The following EYS variants were observed in gnomAD, a reference collection of about 807,000 sequenced individuals.
The protein encoded by EYS is protein eyes shut homolog.
EYS carries 250 observed loss-of-function variants against 282.1 expected under a neutral mutation model. The observed-to-expected ratio is 0.89, with a 90% CI of 0.80 to 0.98. The LOEUF (loss-of-function observed/expected upper bound fraction) is 0.98. Ranked by LOEUF, EYS falls within the 50% of genes least tolerant of loss-of-function variation. The pLI, the probability that EYS is intolerant of heterozygous loss-of-function variation, is 0.00. For missense variants in EYS, 4,016 were observed against 3,709.0 expected, an observed-to-expected ratio of 1.08 and a Z score of -2.15; for synonymous variants, 1,355 against 1,282.9, an observed-to-expected ratio of 1.06 and a Z score of -1.20.
chr6:65,142,020 A>T (rs1764358205), intron 12 of EYS, among the ~76,000 whole-genome samples: 1 of 151,936 alleles, frequency 6.6e-6, no homozygotes, highest in Non-Finnish European at 1.5e-5. Context: ...AACATGTGTA[A>T]CTCCAGTACA....
chr6:64,131,761 G>A (rs546885427), intron 31 of EYS, among the ~76,000 whole-genome samples: 15 of 152,238 alleles, frequency 9.9e-5, no homozygotes, highest in African/African-American at 3.1e-4. Context: ...GCATGGATTC[G>A]ATTTTCAGCC....
At chr6:65,021,393 T>G (rs1188024875) in intron 13 of EYS, among the ~76,000 whole-genome samples, 1 of 152,178 alleles carries the variant, frequency 6.6e-6, no homozygotes, top group East Asian at 1.9e-4. Context: ...TTGCTCTAGT[T>G]CCCAACAAGT....
chr6:64,873,052 T>C (rs975897221), intron 19 of EYS, among the ~76,000 whole-genome samples: 1 of 152,080 alleles, frequency 6.6e-6, no homozygotes, highest in Non-Finnish European at 1.5e-5. Flanking sequence ...TAGAGCATTG[T>C]ATTAGACTGT....
At chr6:65,212,201 T>C (rs1219368720) in intron 12 of EYS, among the ~76,000 whole-genome samples, 3 of 152,088 alleles carry the variant, frequency 2.0e-5, no homozygotes, top group Admixed American at 2.0e-4. Flanking sequence ...TTATCAAGTA[T>C]GTGGACAATT....
intron 26 of EYS, among the ~76,000 whole-genome samples, chr6:64,516,621 C>T (rs866208046): frequency 1.2e-4 from 18 of 151,560 alleles, no homozygotes; most frequent in African/African-American, 3.9e-4. Context: ...AATGGCAGAC[C>T]TCCACAGTCC....
chr6:65,575,743 A>T (rs1203282832), intron 2 of EYS, among the ~76,000 whole-genome samples: 1 of 152,098 alleles, frequency 6.6e-6, no homozygotes, highest in East Asian at 1.9e-4. Context: ...ATATGAAACC[A>T]GAAATTAAAG....
At position 65,496,899 on chromosome 6, in the gene EYS, A is replaced by C. The variant is rs1044352981; in HGVS notation, c.-332-906T>G. ...ATCTTTATGGTAAGTCTAACATTTT[A>C]ATGGGTATTTTAGATCAGGCAGAAA... On this transcript the variant is annotated intron_variant, in intron 2 of 42. Coordinates refer to ENST00000503581, the MANE Select transcript of EYS (RefSeq NM_001142800.2). Among the ~76,000 whole-genome samples, 7 of 152,146 alleles carry C rather than the reference A, an allele frequency of 4.6e-5. No individual in the cohort carries two copies. The East Asian group carries it at 1.4e-3, about 29-fold the overall frequency.
chr6:65,080,246 T>A (rs180898318), intron 12 of EYS, among the ~76,000 whole-genome samples: 30 of 152,068 alleles, frequency 2.0e-4, no homozygotes, highest in Admixed American at 1.0e-3. Context: ...AGTAGTATTA[T>A]TGCCATTAGG....
chr6:63,933,136 T>C (rs1464875038), intron 35 of EYS, among the ~76,000 whole-genome samples: 3 of 152,338 alleles, frequency 2.0e-5, no homozygotes, highest in Non-Finnish European at 2.9e-5. Context: ...TGTCCAGGCA[T>C]GCCAATCTCC....
intron 29 of EYS, among the ~76,000 whole-genome samples, chr6:64,368,613 G>A (rs139636677): frequency 6.6e-6 from 1 of 152,078 alleles, no homozygotes; most frequent in African/African-American, 2.4e-5. Flanking sequence ...CTGATGGTGT[G>A]AGACTGCATC....
chr6:64,061,449 C>A (rs3003684), intron 33 of EYS, among the ~76,000 whole-genome samples: 1 of 152,030 alleles, frequency 6.6e-6, no homozygotes, highest in African/African-American at 2.4e-5. Flanking sequence ...TTACAGTGTA[C>A]CTGTAGAACT....
At chr6:64,116,066 C>T (rs1427282949) in intron 31 of EYS, among the ~76,000 whole-genome samples, 1 of 151,590 alleles carries the variant, frequency 6.6e-6, no homozygotes, top group Non-Finnish European at 1.5e-5. Context: ...AGAGATATCA[C>T]AAAAAAGAAC....
chr6:63,781,459 C>T (rs1215889180), intron 39 of EYS, among the ~76,000 whole-genome samples: 1 of 152,100 alleles, frequency 6.6e-6, no homozygotes, highest in African/African-American at 2.4e-5. Flanking sequence ...TGAAGAGGTC[C>T]TTCACATCCC....
chr6:65,445,716 T>C (rs918617266), intron 5 of EYS, among the ~76,000 whole-genome samples: 10 of 151,804 alleles, frequency 6.6e-5, no homozygotes, highest in African/African-American at 2.4e-4. Flanking sequence ...TTTGCCTTTA[T>C]ATAGAAATAA....
chr6:65,539,167 G>T (rs1252219858), intron 2 of EYS, among the ~76,000 whole-genome samples: 3 of 151,994 alleles, frequency 2.0e-5, no homozygotes, highest in Non-Finnish European at 4.4e-5. Context: ...TCTTGTAGCT[G>T]GTGCACAAAA....
intron 14 of EYS, among the ~76,000 whole-genome samples, chr6:64,996,368 G>A (rs1317770787): frequency 2.0e-5 from 3 of 152,124 alleles, no homozygotes; most frequent in Non-Finnish European, 4.4e-5. Flanking sequence ...AATGGTAACA[G>A]CAACTACATA....
chr6:63,888,736 C>T (rs573166965), intron 35 of EYS, among the ~76,000 whole-genome samples: 2 of 152,190 alleles, frequency 1.3e-5, no homozygotes, highest in African/African-American at 4.8e-5. Context: ...TCTTCTCCCC[C>T]AAAGGATCAC....
chr6:64,850,095 T>A (rs928999503), intron 19 of EYS, among the ~76,000 whole-genome samples: 1 of 152,072 alleles, frequency 6.6e-6, no homozygotes, highest in Admixed American at 6.6e-5. Flanking sequence ...ATATCTTCCA[T>A]GAACAATTGT....
intron 31 of EYS, among the ~76,000 whole-genome samples, chr6:64,105,998 C>T (rs925471016): frequency 3.3e-5 from 5 of 152,070 alleles, no homozygotes; most frequent in African/African-American, 1.2e-4. Context: ...GTTTTTGATA[C>T]ATTCTGAAAA....
Sources: allele counts gnomAD v4.1 joint callset (sites outside exome capture counted in the v4.1 genomes callset), GRCh38; gene constraint gnomAD v4.1.1; transcripts MANE v1.5; gene names NCBI Gene and HGNC (gene_info 2026-07-23, HGNC 2026-07-21).